The following FHIT variants were observed in gnomAD, a reference collection of about 807,000 sequenced individuals.
FHIT encodes fragile histidine triad diadenosine triphosphatase, also known as bis(5'-adenosyl)-triphosphatase.
Under a neutral mutation model 17.9 loss-of-function variants are expected in FHIT, and 19 were observed. The ratio of observed to expected loss-of-function variants is 1.06; its 90% CI spans 0.74 to 1.56. FHIT has a LOEUF of 1.56. Ranked by LOEUF, FHIT falls within the 40% of genes most tolerant of loss-of-function variation. The probability of loss-of-function intolerance (pLI) is 0.00; values close to 1 mark genes in which losing one functional copy is unlikely to be tolerated. For synonymous variants in FHIT, 81 were observed against 69.7 expected (o/e 1.16, Z -0.81); for missense variants, 248 against 189.2 (o/e 1.31, Z -1.82).
chr3:60,493,648 G>A (rs764395550), intron 5 of FHIT, among the ~76,000 whole-genome samples: 8 of 151,892 alleles, frequency 5.3e-5, no homozygotes, highest in Admixed American at 6.6e-5. Context: ...TTTTAGACAT[G>A]GACATAAAGA....
At chr3:60,546,377 A>C (rs926447636) in intron 4 of FHIT, among the ~76,000 whole-genome samples, 3 of 152,174 alleles carry the variant, frequency 2.0e-5, no homozygotes, top group African/African-American at 7.2e-5. Flanking sequence ...TTAGTGTTTA[A>C]AAGCAGATCA....
intron 3 of FHIT, among the ~76,000 whole-genome samples, chr3:60,936,368 T>A (rs1223800786): frequency 6.6e-6 from 1 of 152,218 alleles, no homozygotes; most frequent in East Asian, 1.9e-4. Flanking sequence ...AATAACAACA[T>A]GTTGTCATAT....
At chr3:60,340,377 A>T (rs1037671368) in intron 5 of FHIT, among the ~76,000 whole-genome samples, 2 of 152,196 alleles carry the variant, frequency 1.3e-5, no homozygotes, top group Non-Finnish European at 2.9e-5. Context: ...AATTAGAAGT[A>T]AGTGGTACAT....
intron 5 of FHIT, among the ~76,000 whole-genome samples, chr3:60,456,409 A>C (rs552350643): frequency 6.6e-6 from 1 of 152,324 alleles, no homozygotes; most frequent in African/African-American, 2.4e-5. Flanking sequence ...TGCTGACTTC[A>C]GACATAATTG....
intron 2 of FHIT, among the ~76,000 whole-genome samples, chr3:61,088,113 A>T (rs542885306): frequency 2.0e-5 from 3 of 152,184 alleles, no homozygotes; most frequent in Non-Finnish European, 2.9e-5. Flanking sequence ...ACCTAGCCCT[A>T]GATCACTCAT....
At chr3:60,008,627 G>A (rs886763291) in intron 7 of FHIT, among the ~76,000 whole-genome samples, 1 of 152,202 alleles carries the variant, frequency 6.6e-6, no homozygotes, top group African/African-American at 2.4e-5. Context: ...TTAGAACCCA[G>A]GGATCAGGCA....
intron 4 of FHIT, among the ~76,000 whole-genome samples, chr3:60,625,414 T>A (rs1256727180): frequency 6.6e-6 from 1 of 152,218 alleles, no homozygotes; most frequent in Non-Finnish European, 1.5e-5. Flanking sequence ...CAGCAATGTA[T>A]GTTCAAGTTC....
intron 7 of FHIT, among the ~76,000 whole-genome samples, chr3:59,941,962 G>A (rs987552217): frequency 1.3e-5 from 2 of 152,160 alleles, no homozygotes; most frequent in East Asian, 1.9e-4. Flanking sequence ...CTCCTCTCGT[G>A]AACTAGACTT....
At chr3:59,951,399 G>A (rs547795167) in intron 7 of FHIT, among the ~76,000 whole-genome samples, 1 of 152,242 alleles carries the variant, frequency 6.6e-6, no homozygotes, top group African/African-American at 2.4e-5. Flanking sequence ...TCATGGCCAC[G>A]GCCACTACGC....
At chr3:60,087,148 T>C (rs544188799) in intron 5 of FHIT, among the ~76,000 whole-genome samples, 2 of 152,322 alleles carry the variant, frequency 1.3e-5, no homozygotes, top group South Asian at 2.1e-4. Flanking sequence ...CTGGGGCCAT[T>C]TGAGCCATGG....
At chr3:59,937,466 G>C (rs755923242) in intron 7 of FHIT, among the ~76,000 whole-genome samples, 1 of 152,122 alleles carries the variant, frequency 6.6e-6, no homozygotes, top group African/African-American at 2.4e-5. Context: ...TTTAAACATC[G>C]TCAGGAGGGA....
chr3:60,519,967 C>T (rs1428457749), intron 5 of FHIT, among the ~76,000 whole-genome samples: 1 of 152,118 alleles, frequency 6.6e-6, no homozygotes, highest in Non-Finnish European at 1.5e-5. Flanking sequence ...AACACTTGAG[C>T]TCACCCCAAT....
chr3:59,855,744 G>A (rs1702126898), intron 8 of FHIT, among the ~76,000 whole-genome samples: 1 of 151,180 alleles, frequency 6.6e-6, no homozygotes, highest in Admixed American at 6.6e-5. Context: ...AAAGTCAAAA[G>A]TAGATTCTTT....
intron 2 of FHIT, among the ~76,000 whole-genome samples, chr3:61,169,088 A>C (rs2037923299): frequency 6.6e-6 from 1 of 152,072 alleles, no homozygotes; most frequent in African/African-American, 2.4e-5. Flanking sequence ...TGAAGGAAAA[A>C]AATTATTACA....
intron 1 of FHIT, among the ~76,000 whole-genome samples, chr3:61,245,647 G>C (rs1173921291): frequency 6.6e-6 from 1 of 152,132 alleles, no homozygotes; most frequent in Non-Finnish European, 1.5e-5. Context: ...TATTACCTCA[G>C]ATAAATTCAT....
chr3:59,894,479 G>A (rs1203745678), intron 8 of FHIT, among the ~76,000 whole-genome samples: 3 of 152,206 alleles, frequency 2.0e-5, no homozygotes, highest in Admixed American at 6.5e-5. Flanking sequence ...TAGAGTTGTG[G>A]CTTGTCTTTT....
intron 2 of FHIT, among the ~76,000 whole-genome samples, chr3:61,068,639 T>C (rs1368556570): frequency 6.6e-6 from 1 of 152,080 alleles, no homozygotes; most frequent in Non-Finnish European, 1.5e-5. Context: ...GTTCTGGAGA[T>C]TAGGGTGTAG....
At chr3:60,017,186 G>A (rs997261728) in intron 5 of FHIT, among the ~76,000 whole-genome samples, 1 of 152,130 alleles carries the variant, frequency 6.6e-6, no homozygotes, top group African/African-American at 2.4e-5. Context: ...GGGAACCACT[G>A]TTTTCATTAA....
intron 5 of FHIT, among the ~76,000 whole-genome samples, chr3:60,070,456 T>C (rs1340841599): frequency 3.9e-5 from 6 of 152,200 alleles, no homozygotes; most frequent in Non-Finnish European, 5.9e-5. Flanking sequence ...CAATCATGCA[T>C]CATGACGATG....
Sources: allele counts gnomAD v4.1 joint callset (sites outside exome capture counted in the v4.1 genomes callset), GRCh38; gene constraint gnomAD v4.1.1; transcripts MANE v1.5; gene names NCBI Gene and HGNC (gene_info 2026-07-23, HGNC 2026-07-21).